Variants in OPCML observed in about 807,000 individuals in gnomAD.
The protein encoded by OPCML is opioid binding protein/cell adhesion molecule like, also known as opioid-binding protein/cell adhesion molecule.
OPCML carries 13 observed loss-of-function variants against 37.8 expected under a neutral mutation model. That is an observed-to-expected ratio of 0.34 (90% CI 0.22 to 0.55). The LOEUF (loss-of-function observed/expected upper bound fraction) is 0.55. OPCML is among the 20% of genes least tolerant of loss of function. The pLI, the probability that OPCML is intolerant of heterozygous loss-of-function variation, is 0.91. For synonymous variants in OPCML, 176 were observed against 168.8 expected, an observed-to-expected ratio of 1.04 and a Z score of -0.33; for missense variants, 341 against 435.6, an observed-to-expected ratio of 0.78 and a Z score of 1.93.
At chr11:133,282,521 G>C (rs528079591) in intron 1 of OPCML, among the ~76,000 whole-genome samples, 7 of 152,206 alleles carry the variant, frequency 4.6e-5, no homozygotes, top group Non-Finnish European at 8.8e-5. Context: ...TGCCACAGGG[G>C]TGGAGCACTC....
At chr11:133,330,241 C>T in intron 1 of OPCML, among the ~76,000 whole-genome samples, 1 of 152,182 alleles carries the variant, frequency 6.6e-6, no homozygotes, top group African/African-American at 2.4e-5. Flanking sequence ...GTTGGTGGGA[C>T]TGTAAACTAG....
chr11:133,117,707 TA>T (rs373752898), intron 1 of OPCML: 2 of 838,282 alleles, frequency 2.4e-6, no homozygotes, highest in Non-Finnish European at 2.9e-6. Context: ...ACTCTCAAAA[TA>T]AAAAAAGTAT....
chr11:133,439,838 G>C (rs990689143), intron 1 of OPCML, among the ~76,000 whole-genome samples: 18 of 151,932 alleles, frequency 1.2e-4, no homozygotes, highest in South Asian at 2.1e-4. Context: ...AATAAAATAT[G>C]AGCAAGTCCA....
intron 2 of OPCML, among the ~76,000 whole-genome samples, chr11:132,760,742 G>T (rs530363490): frequency 5.3e-5 from 8 of 151,788 alleles, no homozygotes; most frequent in Non-Finnish European, 7.4e-5. Context: ...GATGGGTCTT[G>T]ACTCTATCCA....
At chr11:132,760,102 G>A (rs1946207532) in intron 2 of OPCML, among the ~76,000 whole-genome samples, 2 of 152,112 alleles carry the variant, frequency 1.3e-5, no homozygotes, top group Admixed American at 6.5e-5. Flanking sequence ...ATGTAGTTGT[G>A]CAGTTTTGAG....
At chr11:132,822,206 G>C (rs1272164725) in intron 2 of OPCML, among the ~76,000 whole-genome samples, 1 of 151,956 alleles carries the variant, frequency 6.6e-6, no homozygotes, top group African/African-American at 2.4e-5. Flanking sequence ...GTGGAAGATG[G>C]AGAGAGCCTG....
intron 1 of OPCML, among the ~76,000 whole-genome samples, chr11:133,311,781 G>C (rs1943072761): frequency 6.6e-6 from 1 of 152,172 alleles, no homozygotes; most frequent in Admixed American, 6.5e-5. Flanking sequence ...TGGGGAAACT[G>C]GGGCATAGAG....
chr11:133,254,525 G>T (rs1941249392), intron 1 of OPCML, among the ~76,000 whole-genome samples: 2 of 152,208 alleles, frequency 1.3e-5, no homozygotes, highest in African/African-American at 4.8e-5. Flanking sequence ...AGCTTTGGCA[G>T]GATGGACTTG....
At chr11:132,469,732 ATGTG>A (rs1230279867) in intron 4 of OPCML, among the ~76,000 whole-genome samples, 10 of 85,176 alleles carry the variant, frequency 1.2e-4, no homozygotes, top group Non-Finnish European at 1.9e-4. Context: ...GTGTGTGTGT[ATGTG>A]TGTGTATGTG....
chr11:132,662,260 G>A (rs765483193), intron 2 of OPCML, among the ~76,000 whole-genome samples: 55 of 152,254 alleles, frequency 3.6e-4, no homozygotes, highest in Non-Finnish European at 4.9e-4. Flanking sequence ...CGGCTCTGGG[G>A]ACTCCTCCTG....
At chr11:133,457,362 T>C (rs1184588156) in intron 1 of OPCML, among the ~76,000 whole-genome samples, 1 of 151,888 alleles carries the variant, frequency 6.6e-6, no homozygotes, top group Admixed American at 6.6e-5. Context: ...TGAGACTCCA[T>C]CTCTGCAAAA....
chr11:133,301,343 T>G (rs1005967573), intron 1 of OPCML: 1 of 152,214 alleles, frequency 6.6e-6, no homozygotes, highest in African/African-American at 2.4e-5. Context: ...TCACAAGCTT[T>G]TCTACAAATT....
At position 133,140,525 on chromosome 11, in the gene OPCML, T is replaced by TAAG. The variant is rs1306668854; in HGVS notation, c.62-197516_62-197515insCTT. On this transcript the variant is annotated intron_variant, in intron 1 of 7. Transcript: ENST00000524381. ...AGACTCTGTCTCAAAATAATAATAA[T>TAAG]AATAATAAGAAGAAGAAGAAGAAGA... is the stretch of plus-strand genomic sequence containing the variant. Among the ~76,000 whole-genome samples the TAAG allele has an allele frequency of 8.7e-3, 496 of 56,988 alleles. 3 individuals are homozygous for TAAG. The highest frequency in any genetic ancestry group is 0.018 in the East Asian group (34 of 1,926). The allele number at this position is 56,988 out of a possible 152,430, so 37.4% of individuals were successfully genotyped here. A position where few individuals can be genotyped will look rare whatever the true frequency, so the allele number is the denominator to read the frequency against.
chr11:132,610,417 C>T (rs757381805), intron 3 of OPCML, among the ~76,000 whole-genome samples: 34 of 152,150 alleles, frequency 2.2e-4, no homozygotes, highest in Non-Finnish European at 4.4e-4. Context: ...CCTAAGCTTC[C>T]CATCTTCGTT....
At chr11:132,887,443 G>A (rs374026158) in intron 2 of OPCML, among the ~76,000 whole-genome samples, 9 of 152,274 alleles carry the variant, frequency 5.9e-5, no homozygotes, top group African/African-American at 2.2e-4. Flanking sequence ...GAAATAAAAT[G>A]GATTGAATGC....
At chr11:132,554,965 T>C (rs1591543783) in intron 3 of OPCML, among the ~76,000 whole-genome samples, 1 of 149,872 alleles carries the variant, frequency 6.7e-6, no homozygotes, top group South Asian at 2.2e-4. Flanking sequence ...GGGCATTTTC[T>C]CTGATGAGAA....
At chr11:133,231,056 A>G (rs576580266) in intron 1 of OPCML, among the ~76,000 whole-genome samples, 3 of 152,346 alleles carry the variant, frequency 2.0e-5, no homozygotes, top group South Asian at 2.1e-4. Context: ...ATTCCCCGCT[A>G]GCAGCACAAG....
At chr11:133,262,866 G>A (rs76682669) in intron 1 of OPCML, among the ~76,000 whole-genome samples, 52 of 151,714 alleles carry the variant, frequency 3.4e-4, no homozygotes, top group South Asian at 8.3e-4. Context: ...AGAAAGTGGC[G>A]TGAGGACACT....
At chr11:133,483,321 G>GATAGAT (rs2120358968) in intron 1 of OPCML, among the ~76,000 whole-genome samples, 1 of 151,946 alleles carries the variant, frequency 6.6e-6, no homozygotes, top group East Asian at 1.9e-4. Context: ...CAGATAGATA[G>GATAGAT]ATAGATAGAT....
Sources: allele counts gnomAD v4.1 joint callset (sites outside exome capture counted in the v4.1 genomes callset), GRCh38; gene constraint gnomAD v4.1.1; transcripts MANE v1.5; gene names NCBI Gene and HGNC (gene_info 2026-07-23, HGNC 2026-07-21).